Variants in GATA4 observed in about 807,000 individuals in gnomAD.
GATA4 encodes the protein GATA binding protein 4.
Under a neutral mutation model 37.9 loss-of-function variants are expected in GATA4, and 7 were observed. The observed-to-expected ratio is 0.18, with a 90% CI of 0.11 to 0.35. The LOEUF is 0.35. GATA4 is among the 10% of genes least tolerant of loss of function. The pLI is 1.00. For missense variants in GATA4, 647 were observed against 653.0 expected (o/e 0.99, Z 0.10); for synonymous variants, 372 against 292.6 (o/e 1.27, Z -2.77).
chr8:11,693,115 G>C, intron 1 of GATA4: 1 of 969,508 alleles, frequency 1.0e-6, no homozygotes, highest in Non-Finnish European at 1.2e-6. Flanking sequence ...CTTAATCCCA[G>C]TGTCTGTTAA....
upstream of GATA4, among the ~76,000 whole-genome samples, chr8:11,691,680 G>A (rs985658501): frequency 8.5e-5 from 13 of 152,106 alleles, no homozygotes; most frequent in African/African-American, 2.9e-4. Flanking sequence ...ATTAGAATCC[G>A]GGAATCCTGA....
chr8:11,681,718 C>A (rs1428865388), intron 1 of GATA4, among the ~76,000 whole-genome samples: 1 of 152,034 alleles, frequency 6.6e-6, no homozygotes, highest in Non-Finnish European at 1.5e-5. Flanking sequence ...GCAAAGTTTC[C>A]TTTTCTTGCT....
At chr8:11,704,075 C>G (rs1243161284), upstream of GATA4, 1 of 152,394 alleles carries the variant, frequency 6.6e-6, no homozygotes, top group Non-Finnish European at 1.5e-5. Flanking sequence ...CGCACAGTCC[C>G]GCAGCCTGCG....
At chr8:11,724,299 C>T (rs1800813506) in intron 2 of GATA4, among the ~76,000 whole-genome samples, 1 of 152,120 alleles carries the variant, frequency 6.6e-6, no homozygotes, top group African/African-American at 2.4e-5. Context: ...ATCTATTCAC[C>T]TCCCTGCTTT....
intron 1 of GATA4, among the ~76,000 whole-genome samples, chr8:11,693,692 G>T (rs950912503): frequency 6.6e-6 from 1 of 152,082 alleles, no homozygotes; most frequent in Non-Finnish European, 1.5e-5. Flanking sequence ...CCAGGAGGAG[G>T]TGATGGAAAC....
rs1799463244 is a variant in GATA4, at chr8:11,695,031, G to C, written c.-729+2371G>C. Among the ~76,000 whole-genome samples the C allele has an allele frequency of 2.0e-5, 3 of 152,174 alleles. No individual in the cohort carries two copies. In the South Asian group the frequency reaches 6.2e-4, roughly 31 times the overall value. On this transcript the variant is annotated intron_variant, in intron 1 of 2. Transcript: ENST00000526974. ...ATCTGGCACAGAGCACTTTCATCCT[G>C]CTACCTTGCGCCCTGATGGTAGCCC...
chr8:11,755,600 A>G (rs1802519557), intron 5 of GATA4, among the ~76,000 whole-genome samples: 1 of 152,196 alleles, frequency 6.6e-6, no homozygotes, highest in African/African-American at 2.4e-5. Context: ...TGTGCTTTAG[A>G]AAGCCCCTTC....
chr8:11,709,218 G>C lies in GATA4; in HGVS notation c.616+290G>C, dbSNP rs1287049086. On this transcript the variant is annotated intron_variant, in intron 2 of 6. Transcript: ENST00000532059. This position sits in a 1 kb window ranked among gnomAD's most constrained non-coding sequence, Gnocchi z 4.3. Reference sequence around the variant, plus strand: ...CATCCCAGACATCGACCGTGGCCGCGCTGCGCTGTGGGTGACGCGGGAGGA... The same window carrying C: ...CATCCCAGACATCGACCGTGGCCGCCCTGCGCTGTGGGTGACGCGGGAGGA... Among the ~76,000 whole-genome samples, 1 of 152,206 alleles carries C rather than the reference G, an allele frequency of 6.6e-6. No homozygotes were observed. Among genetic ancestry groups the C allele is most frequent in the African/African-American group, 2.4e-5 (1 of 41,464 alleles).
rs778818575 is a variant in GATA4 at position 11,758,343 on chromosome 8, C to A, written c.1200C>A (p.Val400=). 2.5e-6 allele frequency: 4 copies of A among 1,614,102 alleles called. No individual in the cohort carries two copies. The highest frequency in any genetic ancestry group is 3.4e-6 in the Non-Finnish European group (4 of 1,180,042). ...MSGHGPSIHP[V]LSALKLSPQG... ...GCCATGGGCCCTCCATCCACCCTGT[C>A]CTCTCGGCCCTGAAGCTCTCCCCAC... is the stretch of plus-strand genomic sequence containing the variant. The change falls in exon 7 of 7, where the codon GTC becomes GTA. Residue 400 remains valine (V), a synonymous_variant. Transcript: ENST00000532059.
Position 11,680,842 on chromosome 8 carries a change from C to T in GATA4, c.-274+3779C>T, listed in dbSNP as rs1051299133. ...GGTCCCCACGCTCTGGGCAGCAAGA[C>T]ACATAGCGAAGCCCCTGACCCATTT... is the stretch of plus-strand genomic sequence containing the variant. On this transcript the variant is annotated intron_variant, in intron 1 of 6. Coordinates refer to the GATA4 transcript ENST00000528712. The T allele has an allele frequency of 5.1e-6, 5 of 985,296 alleles. No individual in the cohort carries two copies. In the African/African-American group the frequency reaches 8.7e-5, roughly 17 times the overall value. The allele number at this position is 985,296 out of a possible 1,614,324, so 61.0% of individuals were successfully genotyped here. A position where few individuals can be genotyped will look rare whatever the true frequency, so the allele number is the denominator to read the frequency against.
chr8:11,742,369 T>C (rs943814659), intron 2 of GATA4, among the ~76,000 whole-genome samples: 8 of 141,374 alleles, frequency 5.7e-5, no homozygotes, highest in Non-Finnish European at 9.2e-5. Context: ...CCTCCGTTCT[T>C]GTTTTTGGTG....
intron 1 of GATA4, chr8:11,681,017 A>T: frequency 1.1e-6 from 1 of 938,946 alleles, no homozygotes; most frequent in Non-Finnish European, 1.3e-6. Flanking sequence ...CGAATCCCAT[A>T]CCCCAGGCTG....
upstream of GATA4, among the ~76,000 whole-genome samples, chr8:11,703,680 G>C (rs1799765585): frequency 6.6e-6 from 1 of 152,244 alleles, no homozygotes; most frequent in Non-Finnish European, 1.5e-5. Flanking sequence ...TCTACGCTCT[G>C]ATTTTAGGAG....
At chr8:11,753,365 C>T (rs11784764) in intron 4 of GATA4, among the ~76,000 whole-genome samples, 29,796 of 151,852 alleles carry the variant, frequency 0.2, 3,869 homozygotes, top group Middle Eastern at 0.29. Context: ...TTTTGCAAGA[C>T]GAGAAGAGTT....
chr8:11,753,158 G>C lies in GATA4; in HGVS notation c.913-1888G>C, dbSNP rs576146462. On this transcript the variant is annotated intron_variant, in intron 4 of 6. Coordinates refer to ENST00000532059, the MANE Select transcript of GATA4 (RefSeq NM_001308093.3). The stretch of plus-strand genomic sequence containing the variant: ...TTGCAGAAAGATGTAAACAACCCAA[G>C]TGTCCACGGAGAAATGAACGGATAA... Among the ~76,000 whole-genome samples, 9 of 152,252 alleles carry C rather than the reference G, an allele frequency of 5.9e-5. No individual in the cohort carries two copies. In the East Asian group the frequency reaches 1.7e-3, roughly 29 times the overall value.
Position 11,748,909 on chromosome 8 carries a change from A to T in GATA4, c.617-7A>T. On this transcript the variant is annotated splice_region_variant and splice_polypyrimidine_tract_variant and intron_variant, in intron 2 of 6. Transcript: ENST00000532059. ...GTGTCTTTTCTTGTCTGTTCCCCCC[A>T]ACTCAGTAGATATGTTTGACGACTT... 1 of 1,614,208 alleles carries T rather than the reference A, an allele frequency of 6.2e-7. No individual in the cohort carries two copies. Among genetic ancestry groups the T allele is most frequent in the Middle Eastern group, 1.6e-4 (1 of 6,062 alleles).
In GATA4 at chr8:11,708,120, G is replaced by A. The variant is rs772015996; in HGVS notation, c.-193G>A. ...ATTTTCCGGAGTAAACAAGAGCCTA[G>A]AGCCCTTTGCTCAATGCTGGATTTA... is the stretch of plus-strand genomic sequence containing the variant. On this transcript the variant is annotated 5_prime_UTR_variant, in exon 2 of 7. Transcript: ENST00000532059. The surrounding 1 kb of genome is among the most constrained non-coding windows in gnomAD (Gnocchi z 6.7). The A allele has an allele frequency of 1.4e-6, 1 of 714,996 alleles. No homozygotes were observed. The highest frequency in any genetic ancestry group is 1.8e-5 in the African/African-American group (1 of 56,912). The allele number at this position is 714,996 out of a possible 1,614,324, so 44.3% of individuals were successfully genotyped here.
intron 2 of GATA4, among the ~76,000 whole-genome samples, chr8:11,743,608 C>G (rs1447029016): frequency 6.6e-6 from 1 of 152,244 alleles, no homozygotes; most frequent in African/African-American, 2.4e-5. Context: ...CTTTCTTCCT[C>G]CCGTGCCTTC....
At chr8:11,699,207 ATTACT>A (rs2130014679), upstream of GATA4, among the ~76,000 whole-genome samples, 1 of 152,258 alleles carries the variant, frequency 6.6e-6, no homozygotes, top group African/African-American at 2.4e-5. Context: ...CCCCATATAA[ATTACT>A]TTATAACTTC....
Sources: allele counts gnomAD v4.1 joint callset (sites outside exome capture counted in the v4.1 genomes callset), GRCh38; gene constraint gnomAD v4.1.1; non-coding constraint Gnocchi (gnomAD v3.1); transcripts MANE v1.5; gene names NCBI Gene and HGNC (gene_info 2026-07-23, HGNC 2026-07-21).